The following MPP4 variants were observed in gnomAD, a reference collection of about 807,000 sequenced individuals.
The protein encoded by MPP4 is MAGUK p55 subfamily member 4.
MPP4 carries 91 observed loss-of-function variants against 98.3 expected under a neutral mutation model. The observed-to-expected ratio is 0.93, with a 90% confidence interval of 0.78 to 1.10. The LOEUF (loss-of-function observed/expected upper bound fraction) is 1.10, where lower values mean the gene tolerates loss of function less well. Among genes scored for constraint, MPP4 ranks in the 50% least tolerant of loss-of-function variants. MPP4 has a pLI of 0.00. For missense variants in MPP4, 744 were observed against 792.9 expected (o/e 0.94, Z 0.74); for synonymous variants, 261 against 271.8 (o/e 0.96, Z 0.39).
intron 20 of MPP4, 132 bp downstream of exon 20, chr2:201,649,444 T>C (rs1420262956): frequency 3.1e-6 from 2 of 642,388 alleles, no homozygotes; most frequent in Non-Finnish European, 5.5e-6. Flanking sequence ...TAAGATCTTA[T>C]ATATGGGAAA....
intron 18 of MPP4, chr2:201,651,917 C>T (rs1448349257): frequency 1.6e-6 from 1 of 634,574 alleles, no homozygotes; most frequent in Non-Finnish European, 2.0e-6. Context: ...AACACCACGG[C>T]ACTCCAGCCT....
intron 13 of MPP4, 119 bp from the exon 14 acceptor site, chr2:201,664,220 G>GT: frequency 1.3e-6 from 2 of 1,495,184 alleles, no homozygotes. Flanking sequence ...CCTTTGTAAA[G>GT]TTTTTTTCCT....
intron 14 of MPP4, among the ~76,000 whole-genome samples, chr2:201,663,104 G>A (rs1225032067): frequency 6.6e-5 from 10 of 152,304 alleles, no homozygotes; most frequent in African/African-American, 2.2e-4. Context: ...ATAATTGCAA[G>A]GCAATGCCTG....
chr2:201,646,668 A>G (rs1687566100), intron 21 of MPP4: 2 of 152,208 alleles, frequency 1.3e-5, no homozygotes, highest in South Asian at 4.1e-4. Context: ...TCATTGCAAA[A>G]AATATGAAAA....
chr2:201,653,222 A>G (rs772063344), intron 18 of MPP4, among the ~76,000 whole-genome samples: 5 of 152,178 alleles, frequency 3.3e-5, no homozygotes, highest in Non-Finnish European at 7.4e-5. Flanking sequence ...AATTATAGCC[A>G]TTGGCCACTT....
intron 13 of MPP4, among the ~76,000 whole-genome samples, chr2:201,664,756 T>C (rs17384293): frequency 0.14 from 20,845 of 152,242 alleles, 1,678 homozygotes; most frequent in South Asian, 0.25. Flanking sequence ...GGTATTCTCA[T>C]GCATGTAAAA....
In MPP4 at chr2:201,654,478, G is replaced by C. The variant is rs191350861; in HGVS notation, c.1381+359C>G. On this transcript the variant is annotated intron_variant, in intron 18 of 21. Coordinates refer to ENST00000409474, the MANE Select transcript of MPP4 (RefSeq NM_033066.3). Reference sequence around the variant, plus strand: ...GCCATTTTAGACTGTTGTGGGGTAGGGGGAGTGGGGAGGGATAGCATTAGG... The same window carrying C: ...GCCATTTTAGACTGTTGTGGGGTAGCGGGAGTGGGGAGGGATAGCATTAGG... Among the ~76,000 whole-genome samples the C allele has an allele frequency of 2.6e-5, 4 of 152,154 alleles. No individual in the cohort carries two copies. In the South Asian group the frequency reaches 8.3e-4, roughly 32 times the overall value.
intron 11 of MPP4, 23 bp downstream of exon 11, chr2:201,675,184 T>G (rs1224541133): frequency 6.3e-7 from 1 of 1,595,512 alleles, no homozygotes. Flanking sequence ...AGGAAGAACC[T>G]GTCGGGCAGT....
At chr2:201,681,714 T>A (rs1404868556) in intron 8 of MPP4, 147 bp from the exon 9 acceptor site, 5 of 646,482 alleles carry the variant, frequency 7.7e-6, no homozygotes, top group Non-Finnish European at 1.4e-5. Flanking sequence ...GCTGTCACCA[T>A]CCAGAAATGG....
At chr2:201,682,939 C>G in intron 7 of MPP4, 23 bp from the exon 8 acceptor site, 1 of 1,592,350 alleles carries the variant, frequency 6.3e-7, no homozygotes, top group Non-Finnish European at 8.6e-7. Context: ...TAACAAAAAA[C>G]AAAGAAAGAT....
At chr2:201,648,239 T>A (rs1375649501) in intron 20 of MPP4, among the ~76,000 whole-genome samples, 1 of 152,146 alleles carries the variant, frequency 6.6e-6, no homozygotes, top group East Asian at 1.9e-4. Context: ...CCCAGACTGG[T>A]CTCAAACACC....
At chr2:201,666,146 T>G (rs1220310899) in intron 13 of MPP4, 188 bp downstream of exon 13, 1 of 488,828 alleles carries the variant, frequency 2.0e-6, no homozygotes, top group Non-Finnish European at 3.7e-6. Flanking sequence ...AGTGGGAACC[T>G]GGAGACATTA....
intron 17 of MPP4, 94 bp downstream of exon 17, chr2:201,656,104 G>A (rs1687838930): frequency 2.2e-6 from 3 of 1,359,012 alleles, no homozygotes; most frequent in Admixed American, 5.6e-5. Context: ...TCCATAAAGA[G>A]TTCTACTTTC....
At chr2:201,658,224 G>C (rs1209127422) in intron 16 of MPP4, among the ~76,000 whole-genome samples, 4 of 152,152 alleles carry the variant, frequency 2.6e-5, no homozygotes, top group African/African-American at 9.7e-5. Context: ...TTACGAAACA[G>C]TCTGGAAGAA....
At chr2:201,649,973 G>T in intron 19 of MPP4, 99 bp downstream of exon 19, 1 of 1,219,274 alleles carries the variant, frequency 8.2e-7, no homozygotes, top group Non-Finnish European at 1.1e-6. Flanking sequence ...GAAACAAAAG[G>T]AATTACCCAG....
intron 18 of MPP4, among the ~76,000 whole-genome samples, chr2:201,654,535 C>G (rs539247693): frequency 1.6e-4 from 25 of 152,000 alleles, no homozygotes; most frequent in African/African-American, 5.3e-4. Flanking sequence ...ACGAGTTAAT[C>G]GGTGCAGCAC....
Position 201,658,486 on chromosome 2 carries a change from A to G in MPP4, c.1120T>C (p.Phe374Leu). ...KEEFVGYGQK[F>L]FIAGFRRSMR... ...TTAATTTATCACCTACCTATAAAGAACTTCTGACCGTAGCCAACAAACTCC... is the reference window on the plus strand; with the variant it reads ...TTAATTTATCACCTACCTATAAAGAGCTTCTGACCGTAGCCAACAAACTCC... Residue 374 changes from phenylalanine to leucine, a missense_variant, in exon 16 of 22, where the codon TTC (phenylalanine) becomes CTC (leucine). Transcript: ENST00000409474. 3 of 1,613,090 alleles carry G rather than the reference A, an allele frequency of 1.9e-6. No individual in the cohort carries two copies. The highest frequency in any genetic ancestry group is 1.1e-5 in the South Asian group (1 of 90,776).
rs16837938 is a variant in MPP4, at chr2:201,658,255, A to C, written c.1129+222T>G. 6.0e-3 allele frequency among the ~76,000 whole-genome samples: 921 copies of C among 152,336 alleles called. 9 individuals are homozygous for C. Among genetic ancestry groups the C allele is most frequent in the African/African-American group, 0.021 (863 of 41,568 alleles). ...AAGAAAACAAAAAGATTTGTGTTTGATGAGTAATTAATAGATAACCCAGTG... is the reference window on the plus strand; with the variant it reads ...AAGAAAACAAAAAGATTTGTGTTTGCTGAGTAATTAATAGATAACCCAGTG... On this transcript the variant is annotated intron_variant, in intron 16 of 21. Coordinates refer to ENST00000409474, the MANE Select transcript of MPP4 (RefSeq NM_033066.3).
chr2:201,656,517 G>T, intron 16 of MPP4, 149 bp from the exon 17 acceptor site: 1 of 786,586 alleles, frequency 1.3e-6, no homozygotes. Context: ...GAAGTAATAT[G>T]AGGGAAAAAT....
Sources: gnomAD v4.1 joint callset for allele counts (sites outside exome capture counted in the v4.1 genomes callset) on GRCh38, gnomAD v4.1.1 for gene constraint, MANE v1.5 for transcripts, NCBI Gene and HGNC (gene_info 2026-07-23, HGNC 2026-07-21) for gene names.